Variants in MAML2 observed in about 807,000 individuals in gnomAD.
The protein encoded by MAML2 is mastermind-like protein 2.
MAML2 carries 22 observed loss-of-function variants against 96.1 expected under a neutral mutation model. The observed-to-expected ratio is 0.23, with a 90% CI of 0.16 to 0.33. The LOEUF is 0.33. Among genes scored for constraint, MAML2 ranks in the 10% least tolerant of loss-of-function variants. The probability of loss-of-function intolerance (pLI) is 1.00; values close to 1 mark genes in which losing one functional copy is unlikely to be tolerated. For missense variants in MAML2, 1,367 were observed against 1,392.4 expected (o/e 0.98, Z 0.29); for synonymous variants, 561 against 521.3 (o/e 1.08, Z -1.04).
chr11:96,010,038 T>A (rs2135726814), intron 2 of MAML2, among the ~76,000 whole-genome samples: 1 of 152,274 alleles, frequency 6.6e-6, no homozygotes, highest in East Asian at 1.9e-4. Context: ...TCGGGAATGA[T>A]CTACTTACTG....
At chr11:96,046,298 T>A (rs1032473948) in intron 2 of MAML2, among the ~76,000 whole-genome samples, 5 of 151,864 alleles carry the variant, frequency 3.3e-5, no homozygotes, top group African/African-American at 1.2e-4. Context: ...GCCGGGGAGC[T>A]GGCAGAAATA....
intron 1 of MAML2, among the ~76,000 whole-genome samples, chr11:96,115,487 A>T (rs1416399116): frequency 2.2e-5 from 3 of 135,426 alleles, no homozygotes; most frequent in African/African-American, 5.7e-5. Flanking sequence ...TTTTTTTTTT[A>T]AACCCCATTC....
At chr11:96,130,002 C>A (rs910705235) in intron 1 of MAML2, among the ~76,000 whole-genome samples, 16 of 152,222 alleles carry the variant, frequency 1.1e-4, no homozygotes, top group African/African-American at 3.6e-4. Flanking sequence ...AAGGACATTA[C>A]CTCAAGATTA....
Position 95,985,655 on chromosome 11 carries a change from T to G in MAML2, c.2344-13A>C, listed in dbSNP as rs761441220. ...GAGCAATTTTCTCCTTGAGAAATGA[T>G]ATGAAAGCATATTATGTTGCATCAT... is the stretch of plus-strand genomic sequence containing the variant. On this transcript the variant is annotated splice_polypyrimidine_tract_variant and intron_variant, in intron 3 of 4. Coordinates refer to ENST00000524717, the MANE Select transcript of MAML2 (RefSeq NM_032427.4). 1 of 1,498,030 alleles carries G rather than the reference T, an allele frequency of 6.7e-7. No individual in the cohort carries two copies. Among genetic ancestry groups the G allele is most frequent in the South Asian group, 1.2e-5 (1 of 86,460 alleles). The allele number at this position is 1,498,030 out of a possible 1,614,324, so 92.8% of individuals were successfully genotyped here.
At chr11:96,250,530 A>G (rs1300184037) in intron 1 of MAML2, among the ~76,000 whole-genome samples, 1 of 152,244 alleles carries the variant, frequency 6.6e-6, no homozygotes, top group Non-Finnish European at 1.5e-5. Flanking sequence ...GTATCATTTA[A>G]TAAATATCTC....
intron 2 of MAML2, among the ~76,000 whole-genome samples, chr11:96,028,719 G>T (rs1428723453): frequency 6.6e-6 from 1 of 152,074 alleles, no homozygotes; most frequent in Non-Finnish European, 1.5e-5. Context: ...ACTGGAGAAA[G>T]GAGAAAAAAA....
Position 95,985,505 on chromosome 11 carries a change from T to A in MAML2, c.2455+26A>T, listed in dbSNP as rs139013737. On this transcript the variant is annotated intron_variant, in intron 4 of 4. Transcript: ENST00000524717. ...TTTTTTTTCCTTTCACAGCTATAAT[T>A]TTTATTAATTTTTAAGAACACTTAC... 436 of 1,397,762 alleles carry A rather than the reference T, an allele frequency of 3.1e-4. 3 individuals carry two copies. The African/African-American group carries it at 5.6e-3, about 18-fold the overall frequency. 86.6% of individuals were successfully genotyped at this position (1,397,762 alleles called of 1,614,324 possible).
intron 2 of MAML2, among the ~76,000 whole-genome samples, chr11:96,007,847 A>T (rs1224291443): frequency 8.2e-6 from 1 of 122,290 alleles, no homozygotes; most frequent in Non-Finnish European, 1.6e-5. Context: ...GGTCACAGGA[A>T]GGGGAATATC....
At chr11:96,180,840 A>C (rs1861472353) in intron 1 of MAML2, among the ~76,000 whole-genome samples, 1 of 152,110 alleles carries the variant, frequency 6.6e-6, no homozygotes, top group Admixed American at 6.5e-5. Context: ...GAAAAGAGTC[A>C]GCGAAGGGAG....
chr11:96,043,702 A>G (rs1374829225), intron 2 of MAML2, among the ~76,000 whole-genome samples: 1 of 152,224 alleles, frequency 6.6e-6, no homozygotes, highest in Non-Finnish European at 1.5e-5. Flanking sequence ...CTATAACAAA[A>G]TATTTTTTGG....
intron 1 of MAML2, among the ~76,000 whole-genome samples, chr11:96,151,707 C>G (rs1466466602): frequency 6.6e-6 from 1 of 152,204 alleles, no homozygotes. Context: ...CCCGCTCCTA[C>G]TTTGCCTTTC....
chr11:96,156,046 C>T (rs1249092618), intron 1 of MAML2, among the ~76,000 whole-genome samples: 1 of 152,166 alleles, frequency 6.6e-6, no homozygotes, highest in African/African-American at 2.4e-5. Context: ...TTCCTATTTC[C>T]AGCTCATGGA....
In MAML2 at chr11:95,978,952, G is replaced by A. The variant is rs1857688791; in HGVS notation, c.3467C>T (p.Ser1156Phe). The change falls in exon 5 of 5, where the codon TCC becomes TTC. Residue 1156 changes from serine (S) to phenylalanine (F), a missense_variant. Ser to Phe is a radical substitution (Grantham distance 155). Transcript: ENST00000524717. ...INLDEILGNN[S>F] ...AAATTGTCTTCCCTTTCTTCTTTAG[G>A]AATTGTTCCCCAAGATTTCATCAAG... 6.2e-7 allele frequency: 1 copy of A among 1,603,478 alleles called. No homozygotes were observed. The highest frequency in any genetic ancestry group is 1.3e-5 in the African/African-American group (1 of 74,282).
intron 1 of MAML2, among the ~76,000 whole-genome samples, chr11:96,215,643 C>A (rs1346555241): frequency 6.6e-6 from 1 of 151,918 alleles, no homozygotes; most frequent in Non-Finnish European, 1.5e-5. Flanking sequence ...TTAATTAAGC[C>A]CACTGAACCC....
intron 2 of MAML2, among the ~76,000 whole-genome samples, chr11:95,994,472 G>A (rs17806390): frequency 0.24 from 36,171 of 151,936 alleles, 4,429 homozygotes; most frequent in South Asian, 0.39. Flanking sequence ...TCGGTGAGCT[G>A]AGTGTCTTGG....
At chr11:96,208,587 T>C (rs1358329753) in intron 1 of MAML2, among the ~76,000 whole-genome samples, 1 of 152,224 alleles carries the variant, frequency 6.6e-6, no homozygotes, top group Non-Finnish European at 1.5e-5. Flanking sequence ...CTGGATGATA[T>C]ATTAAATGAG....
intron 1 of MAML2, among the ~76,000 whole-genome samples, chr11:96,242,654 A>G (rs986066156): frequency 3.3e-5 from 5 of 150,630 alleles, no homozygotes; most frequent in Admixed American, 1.3e-4. Flanking sequence ...GAAACAGCTT[A>G]AAGAGAAAAA....
At chr11:95,980,059 A>G in intron 4 of MAML2, 96 bp from the exon 5 acceptor site, 1 of 926,732 alleles carries the variant, frequency 1.1e-6, no homozygotes, top group Non-Finnish European at 1.6e-6. Context: ...AACTGCTTTC[A>G]GGTGTAAGAC....
intron 1 of MAML2, among the ~76,000 whole-genome samples, chr11:96,316,976 T>G (rs1325213611): frequency 1.3e-5 from 2 of 152,136 alleles, no homozygotes; most frequent in African/African-American, 2.4e-5. Context: ...CCCTCCCCAC[T>G]CTGGTGGACA....
Sources: gnomAD v4.1 joint callset for allele counts (sites outside exome capture counted in the v4.1 genomes callset) on GRCh38, gnomAD v4.1.1 for gene constraint, MANE v1.5 for transcripts, NCBI Gene and HGNC (gene_info 2026-07-23, HGNC 2026-07-21) for gene names.